FBXW11: variants seen among roughly 807,000 people sequenced by gnomAD.
FBXW11 encodes the protein F-box and WD repeat domain containing 11, also known as F-box/WD repeat-containing protein 11.
FBXW11 carries 19 observed loss-of-function variants against 77.6 expected under a neutral mutation model. The observed-to-expected ratio is 0.24, with a 90% confidence interval of 0.17 to 0.36. The LOEUF (loss-of-function observed/expected upper bound fraction) is 0.36. Ranked by LOEUF, FBXW11 falls within the 10% of genes least tolerant of loss-of-function variation. FBXW11 has a pLI of 1.00. For synonymous variants in FBXW11, 235 were observed against 249.4 expected (o/e 0.94, Z 0.54); for missense variants, 334 against 704.2 (o/e 0.47, Z 5.95).
At chr5:171,985,772 C>G (rs932719357) in intron 1 of FBXW11, among the ~76,000 whole-genome samples, 1 of 151,568 alleles carries the variant, frequency 6.6e-6, no homozygotes, top group South Asian at 2.1e-4. Context: ...GACCCTGTAC[C>G]GAAAAATAAA....
intron 1 of FBXW11, among the ~76,000 whole-genome samples, chr5:172,002,612 C>A (rs181564752): frequency 1.8e-4 from 26 of 140,954 alleles, no homozygotes; most frequent in Admixed American, 1.7e-3. Flanking sequence ...AAGTCAATGA[C>A]AGGAAGAAAA....
intron 1 of FBXW11, among the ~76,000 whole-genome samples, chr5:172,002,691 CTTTTCTTTTTTT>C (rs1766484307): frequency 1.6e-5 from 2 of 122,892 alleles, no homozygotes; most frequent in South Asian, 4.9e-4. Flanking sequence ...TTTCTTTTTT[CTTTTCTTTTTTT>C]TTTTTTTTTT....
chr5:171,872,710 C>T (rs1164513481), intron 10 of FBXW11, among the ~76,000 whole-genome samples, 162 bp downstream of exon 10: 6 of 152,204 alleles, frequency 3.9e-5, no homozygotes, highest in Non-Finnish European at 8.8e-5. Context: ...GGTTTTCCCA[C>T]TTGAGTATAC....
chr5:171,867,768 T>G (rs1757503421), intron 13 of FBXW11: 1 of 152,194 alleles, frequency 6.6e-6, no homozygotes. Context: ...AAGAATTAAG[T>G]AACGATTTTA....
At chr5:171,972,202 TCTGGACAGCTCACAC>T (rs1274355893) in intron 1 of FBXW11, among the ~76,000 whole-genome samples, 4 of 127,874 alleles carry the variant, frequency 3.1e-5, no homozygotes, top group Non-Finnish European at 5.0e-5. Flanking sequence ...TGCATTCCAG[TCTGGACAGCTCACAC>T]CTGTAATCCC....
At chr5:171,967,883 T>TATATACACACACAC (rs1244744249) in intron 1 of FBXW11, among the ~76,000 whole-genome samples, 1 of 74,978 alleles carries the variant, frequency 1.3e-5, no homozygotes, top group African/African-American at 5.9e-5. Context: ...TATATATATA[T>TATATACACACACAC]ACACACACAC....
chr5:171,982,675 T>C (rs1765213454), intron 1 of FBXW11, among the ~76,000 whole-genome samples: 1 of 152,198 alleles, frequency 6.6e-6, no homozygotes, highest in African/African-American at 2.4e-5. Flanking sequence ...AGCAGTGTGG[T>C]GTTATGACAC....
At chr5:171,899,860 C>G (rs1367172640) in intron 5 of FBXW11, 54 bp downstream of exon 5, 2 of 1,412,830 alleles carry the variant, frequency 1.4e-6, no homozygotes, top group East Asian at 5.1e-5. Context: ...AGTAATCAAG[C>G]TGACTCTATG....
Position 171,904,201 on chromosome 5 carries a change from G to A in FBXW11, c.437-4101C>T, listed in dbSNP as rs886694785. Among the ~76,000 whole-genome samples the A allele has an allele frequency of 2.0e-5, 3 of 152,070 alleles. No homozygotes were observed. Among genetic ancestry groups the A allele is most frequent in the Non-Finnish European group, 2.9e-5 (2 of 68,012 alleles). ...CCAGCTACTTGGCAGGATGAGGCGCGCGAGAACCACTTGAACCTAGGAGGT... is the reference window on the plus strand; with the variant it reads ...CCAGCTACTTGGCAGGATGAGGCGCACGAGAACCACTTGAACCTAGGAGGT... On this transcript the variant is annotated intron_variant, in intron 4 of 13. Transcript: ENST00000517395. This position sits in a 1 kb window ranked among gnomAD's most constrained non-coding sequence, Gnocchi z 4.0.
chr5:171,913,187 TAAC>T (rs1328435616), intron 3 of FBXW11, among the ~76,000 whole-genome samples: 5 of 152,350 alleles, frequency 3.3e-5, no homozygotes, highest in Admixed American at 2.6e-4. Flanking sequence ...AATATAATGA[TAAC>T]AACTTGCATT....
chr5:171,967,711 C>T (rs1021257167), intron 1 of FBXW11, among the ~76,000 whole-genome samples: 1 of 151,570 alleles, frequency 6.6e-6, no homozygotes, highest in Admixed American at 6.6e-5. Context: ...TAGTGGGGTA[C>T]GCCTGAAGTC....
chr5:171,942,689 T>C (rs1004022048), intron 2 of FBXW11, among the ~76,000 whole-genome samples: 2 of 152,012 alleles, frequency 1.3e-5, no homozygotes, highest in East Asian at 3.9e-4. Context: ...TGTAGTCCAG[T>C]TGCTCAGAAG....
rs1243560170 is a variant in FBXW11, at chr5:171,890,866, T to C, written c.852+601A>G. 4.6e-5 allele frequency among the ~76,000 whole-genome samples: 7 copies of C among 152,218 alleles called. No individual in the cohort carries two copies. The South Asian group carries it at 8.3e-4, about 18-fold the overall frequency. On this transcript the variant is annotated intron_variant, in intron 7 of 13. Transcript: ENST00000517395. Reference sequence around the variant, plus strand: ...TAACAGTTATACATGTCTGTGTGTTTATCAAAATTCACAGAATTATACAAC... The same window carrying C: ...TAACAGTTATACATGTCTGTGTGTTCATCAAAATTCACAGAATTATACAAC...
Position 171,863,242 on chromosome 5 carries a change from C to T in FBXW11, c.*885G>A, listed in dbSNP as rs1197991731. On this transcript the variant is annotated 3_prime_UTR_variant, in exon 14 of 14. Transcript: ENST00000517395. The stretch of plus-strand genomic sequence containing the variant: ...AGGTAATCCACATCAACCCAGGTAT[C>T]AGGTTCTTGAGCCCAGCCCATGGCT... The T allele has an allele frequency of 6.5e-6, 1 of 152,740 alleles. No individual in the cohort carries two copies. The highest frequency in any genetic ancestry group is 1.5e-5 in the Non-Finnish European group (1 of 68,060). The allele number at this position is 152,740 out of a possible 1,614,324, so 9.5% of individuals were successfully genotyped here. A position where few individuals can be genotyped will look rare whatever the true frequency, so the allele number is the denominator to read the frequency against.
At chr5:171,893,415 C>A (rs1304125821) in intron 6 of FBXW11, among the ~76,000 whole-genome samples, 3 of 5,442 alleles carry the variant, frequency 5.5e-4, no homozygotes, top group African/African-American at 6.7e-4. Context: ...AAGCACACTT[C>A]AAAACCAAAA....
intron 1 of FBXW11, among the ~76,000 whole-genome samples, chr5:171,994,293 T>C (rs1390450778): frequency 6.6e-6 from 1 of 152,170 alleles, no homozygotes; most frequent in Non-Finnish European, 1.5e-5. Flanking sequence ...CTAAAGCATG[T>C]TATTTAACCA....
At chr5:172,003,944 G>A (rs1766569609) in intron 1 of FBXW11, among the ~76,000 whole-genome samples, 1 of 152,138 alleles carries the variant, frequency 6.6e-6, no homozygotes, top group Admixed American at 6.5e-5. Context: ...GGTACAAGCA[G>A]CACAATCACA....
chr5:171,992,654 T>G (rs7707358), intron 1 of FBXW11, among the ~76,000 whole-genome samples: 21,091 of 152,060 alleles, frequency 0.14, 2,760 homozygotes, highest in African/African-American at 0.35. Flanking sequence ...GCCATTCCCA[T>G]ACACCAATAC....
chr5:171,891,675 G>A lies in FBXW11; in HGVS notation c.715-71C>T, dbSNP rs1490451215. 1.1e-5 allele frequency: 16 copies of A among 1,490,992 alleles called. No individual in the cohort carries two copies. In the East Asian group the frequency reaches 1.2e-4, roughly 11 times the overall value. The allele number at this position is 1,490,992 out of a possible 1,614,324, so 92.4% of individuals were successfully genotyped here. A position where few individuals can be genotyped will look rare whatever the true frequency, so the allele number is the denominator to read the frequency against. On this transcript the variant is annotated intron_variant, in intron 6 of 13. Coordinates refer to ENST00000517395, the MANE Select transcript of FBXW11 (RefSeq NM_001378974.1). ...ACTCTATTAGGTTTCAGACTTTGGC[G>A]TTGCTTCCAGAAACAGCATACCACC...
Sources: allele counts gnomAD v4.1 joint callset (sites outside exome capture counted in the v4.1 genomes callset), GRCh38; gene constraint gnomAD v4.1.1; non-coding constraint Gnocchi (gnomAD v3.1); transcripts MANE v1.5; gene names NCBI Gene and HGNC (gene_info 2026-07-23, HGNC 2026-07-21).